EMID1: variants seen among roughly 807,000 people sequenced by gnomAD.
The protein encoded by EMID1 is EMI domain-containing protein 1.
A neutral mutation model predicts 60.6 loss-of-function variants in EMID1; 40 were observed. The ratio of observed to expected loss-of-function variants is 0.66; its 90% CI spans 0.51 to 0.86. The LOEUF is 0.86. Ranked by LOEUF, EMID1 falls within the 40% of genes least tolerant of loss-of-function variation. The probability of loss-of-function intolerance (pLI) is 0.00; values close to 1 mark genes in which losing one functional copy is unlikely to be tolerated. For missense variants in EMID1, 585 were observed against 597.1 expected, an observed-to-expected ratio of 0.98 and a Z score of 0.21; for synonymous variants, 242 against 231.0, an observed-to-expected ratio of 1.05 and a Z score of -0.43.
rs1298234782 is a variant in EMID1 at position 29,233,376 on chromosome 22, C to G, written c.824-3C>G. On this transcript the variant is annotated splice_polypyrimidine_tract_variant and splice_region_variant and intron_variant, in intron 8 of 14. Transcript: ENST00000334018. ...TACTCACTCATCATCTTTGCTCACC[C>G]AGGAGACCCATTGCTGTCCAACACC... The G allele has an allele frequency of 6.2e-7, 1 of 1,613,746 alleles. No homozygotes were observed. Among genetic ancestry groups the G allele is most frequent in the Non-Finnish European group, 8.5e-7 (1 of 1,179,740 alleles).
rs2058080875 is a variant in EMID1 at position 29,259,452 on chromosome 22, CCTCT to C, written c.*509_*512del. 1 of 168,608 alleles carries C rather than the reference CCTCT, an allele frequency of 5.9e-6. No homozygotes were observed. Among genetic ancestry groups the C allele is most frequent in the Non-Finnish European group, 1.3e-5 (1 of 79,384 alleles). The allele number at this position is 168,608 out of a possible 1,614,324, so 10.4% of individuals were successfully genotyped here. The stretch of plus-strand genomic sequence containing the variant: ...CGGGGGCTTCTTGCCTCAGTTCTTC[CCTCT>C]GAGCCCCCAGGCCCTCCCGCATCTC... On this transcript the variant is annotated 3_prime_UTR_variant, in exon 15 of 15. Transcript: ENST00000334018.
At chr22:29,240,435 C>T (rs192455927) in intron 12 of EMID1, among the ~76,000 whole-genome samples, 2 of 152,204 alleles carry the variant, frequency 1.3e-5, no homozygotes, top group East Asian at 3.9e-4. Context: ...TCAAGAACCC[C>T]TCGTGGCCTT....
chr22:29,250,087 AT>A (rs1377941862), intron 13 of EMID1, among the ~76,000 whole-genome samples: 6 of 152,186 alleles, frequency 3.9e-5, no homozygotes, highest in African/African-American at 1.4e-4. Context: ...TACAAAAAAA[AT>A]AAAAAAATTT....
intron 10 of EMID1, chr22:29,233,892 A>G: frequency 1.5e-6 from 1 of 666,596 alleles, no homozygotes; most frequent in East Asian, 2.7e-5. Flanking sequence ...GTTATCACCT[A>G]AGACCAAGAA....
At chr22:29,231,912 G>A in intron 7 of EMID1, 1 of 563,684 alleles carries the variant, frequency 1.8e-6, no homozygotes, top group East Asian at 3.0e-5. Context: ...CTCTGAGCTG[G>A]GCACTGGGTG....
At chr22:29,255,394 C>T in intron 14 of EMID1, 1 of 1,401,982 alleles carries the variant, frequency 7.1e-7, no homozygotes, top group Non-Finnish European at 9.4e-7. Flanking sequence ...GGGGCAGCCT[C>T]TTCCAGGAAG....
At chr22:29,237,071 G>A (rs1240477740) in intron 12 of EMID1, among the ~76,000 whole-genome samples, 3 of 151,872 alleles carry the variant, frequency 2.0e-5, no homozygotes, top group Non-Finnish European at 2.9e-5. Flanking sequence ...CTGGAATTAC[G>A]GGTGTGAGCC....
At chr22:29,223,197 G>C (rs2040364127) in intron 3 of EMID1, among the ~76,000 whole-genome samples, 1 of 152,248 alleles carries the variant, frequency 6.6e-6, no homozygotes, top group Non-Finnish European at 1.5e-5. Flanking sequence ...TAGTGGGGCT[G>C]ATGTTCCAGC....
chr22:29,249,781 A>T, intron 13 of EMID1, among the ~76,000 whole-genome samples: 1 of 149,454 alleles, frequency 6.7e-6, no homozygotes, highest in African/African-American at 2.5e-5. Context: ...CGCCTGGCTA[A>T]TTTTTGTATT....
chr22:29,241,075 G>T (rs1481657608), intron 12 of EMID1, among the ~76,000 whole-genome samples: 2 of 151,668 alleles, frequency 1.3e-5, no homozygotes, highest in Non-Finnish European at 2.9e-5. Context: ...GCTCCTTGAG[G>T]TAAAACTCAT....
chr22:29,248,773 C>T (rs1216625122), intron 13 of EMID1, among the ~76,000 whole-genome samples: 2 of 151,886 alleles, frequency 1.3e-5, no homozygotes, highest in Admixed American at 6.6e-5. Flanking sequence ...CCGGGGAAGT[C>T]GAGGCTGCAG....
intron 8 of EMID1, 112 bp from the exon 9 acceptor site, chr22:29,233,267 T>G: frequency 9.0e-7 from 1 of 1,112,162 alleles, no homozygotes; most frequent in South Asian, 1.3e-5. Flanking sequence ...GTACCAGCCA[T>G]GCTGCAGGCT....
intron 8 of EMID1, chr22:29,233,100 C>T (rs1043509138): frequency 2.1e-6 from 1 of 486,302 alleles, no homozygotes. Context: ...TTGTCATTCC[C>T]ATTTGACAGG....
chr22:29,206,702 G>A (rs1470833926), intron 1 of EMID1, among the ~76,000 whole-genome samples: 1 of 152,100 alleles, frequency 6.6e-6, no homozygotes, highest in African/African-American at 2.4e-5. Context: ...CCTAGCGGCG[G>A]GGAACCTCCT....
At chr22:29,231,745 C>T (rs1367971335) in intron 7 of EMID1, 63 bp downstream of exon 7, 17 of 1,396,726 alleles carry the variant, frequency 1.2e-5, no homozygotes, top group East Asian at 2.6e-5. Context: ...GTGGGCCCTT[C>T]CCTGCTCCTG....
chr22:29,225,079 G>T (rs146263416), intron 3 of EMID1, 54 bp from the exon 4 acceptor site: 4 of 1,585,220 alleles, frequency 2.5e-6, no homozygotes, highest in African/African-American at 2.7e-5. Flanking sequence ...GGGCAGGGGG[G>T]CCTGAGGAGG....
At chr22:29,245,791 A>AC (rs1467452561) in intron 13 of EMID1, among the ~76,000 whole-genome samples, 2 of 152,096 alleles carry the variant, frequency 1.3e-5, no homozygotes, top group Admixed American at 6.6e-5. Flanking sequence ...CAAAGCTCTC[A>AC]CCCCTTATTC....
intron 13 of EMID1, 142 bp downstream of exon 13, chr22:29,243,631 T>C: frequency 9.9e-7 from 1 of 1,014,408 alleles, no homozygotes. Flanking sequence ...GCAGGAGCCT[T>C]GGCAATTATC....
At chr22:29,232,538 C>G in intron 8 of EMID1, 136 bp downstream of exon 8, 2 of 1,026,030 alleles carry the variant, frequency 1.9e-6, no homozygotes, top group Non-Finnish European at 2.7e-6. Context: ...AGTCCTCCAG[C>G]AGGCGCCGTT....
Sources: allele counts gnomAD v4.1 joint callset (sites outside exome capture counted in the v4.1 genomes callset), GRCh38; gene constraint gnomAD v4.1.1; transcripts MANE v1.5; gene names NCBI Gene and HGNC (gene_info 2026-07-23, HGNC 2026-07-21).